CA10: variants seen among roughly 807,000 people sequenced by gnomAD.
CA10 encodes the protein carbonic anhydrase-related protein 10.
Under a neutral mutation model 44.2 loss-of-function variants are expected in CA10, and 14 were observed. The observed-to-expected ratio is 0.32, with a 90% CI of 0.21 to 0.50. CA10 has a LOEUF of 0.50. Ranked by LOEUF, CA10 falls within the 20% of genes least tolerant of loss-of-function variation. CA10 has a pLI of 0.99. For synonymous variants in CA10, 159 were observed against 141.6 expected (o/e 1.12, Z -0.87); for missense variants, 350 against 409.7 (o/e 0.85, Z 1.26).
chr17:51,659,512 C>G (rs1226777728), intron 4 of CA10, among the ~76,000 whole-genome samples: 1 of 152,146 alleles, frequency 6.6e-6, no homozygotes, highest in African/African-American at 2.4e-5. Context: ...CCTGACTAAT[C>G]AAAATTCAAA....
intron 1 of CA10, among the ~76,000 whole-genome samples, chr17:52,152,020 T>C (rs1989712283): frequency 6.6e-6 from 1 of 152,108 alleles, no homozygotes; most frequent in Non-Finnish European, 1.5e-5. Flanking sequence ...ATAATTACCT[T>C]GTAGAAACAA....
chr17:52,014,975 CT>C (rs1377155135), intron 2 of CA10, among the ~76,000 whole-genome samples: 5 of 151,934 alleles, frequency 3.3e-5, no homozygotes, highest in Admixed American at 1.3e-4. Flanking sequence ...AATAAATAAA[CT>C]ATACCTACAT....
At chr17:51,986,658 G>C (rs1984846740) in intron 2 of CA10, among the ~76,000 whole-genome samples, 1 of 151,608 alleles carries the variant, frequency 6.6e-6, no homozygotes, top group Non-Finnish European at 1.5e-5. Flanking sequence ...CAACAAATTA[G>C]CAAGAAAAAA....
rs368838263 is a variant in CA10, at chr17:51,770,011, A to T, written c.280-22193T>A. Among the ~76,000 whole-genome samples the T allele has an allele frequency of 6.6e-5, 10 of 152,224 alleles. No homozygotes were observed. The South Asian group carries it at 1.9e-3, about 28-fold the overall frequency. ...CCAGTTGCTGGAGGATCTGGTGTAG[A>T]AAGGCTAGACAGGAAGGAGATCTAG... On this transcript the variant is annotated intron_variant, in intron 3 of 8. Coordinates refer to ENST00000451037, the MANE Select transcript of CA10 (RefSeq NM_020178.5).
chr17:51,752,474 C>A (rs763279900), intron 3 of CA10, among the ~76,000 whole-genome samples: 1 of 151,874 alleles, frequency 6.6e-6, no homozygotes, highest in Non-Finnish European at 1.5e-5. Flanking sequence ...GGTGTGATGT[C>A]CATTTTACCA....
chr17:52,128,424 C>T (rs1476245718), intron 1 of CA10, among the ~76,000 whole-genome samples: 2 of 152,170 alleles, frequency 1.3e-5, no homozygotes, highest in Non-Finnish European at 2.9e-5. Flanking sequence ...TTCTCCCTTA[C>T]AATCCAAGAT....
chr17:51,802,223 G>A (rs755799260), intron 3 of CA10, among the ~76,000 whole-genome samples: 6 of 152,148 alleles, frequency 3.9e-5, no homozygotes, highest in Non-Finnish European at 8.8e-5. Flanking sequence ...TTTCCTCTCA[G>A]GGAGACAGTA....
At chr17:51,684,101 C>T (rs1334100316) in intron 4 of CA10, among the ~76,000 whole-genome samples, 2 of 152,164 alleles carry the variant, frequency 1.3e-5, no homozygotes, top group Admixed American at 1.3e-4. Context: ...TAAGTGAGCA[C>T]AACATAATCA....
chr17:51,733,809 CT>C (rs1916802175), intron 4 of CA10, among the ~76,000 whole-genome samples: 1 of 152,162 alleles, frequency 6.6e-6, no homozygotes, highest in Non-Finnish European at 1.5e-5. Flanking sequence ...GTAGATGATG[CT>C]GATAAATTCC....
chr17:52,104,204 TTC>T (rs1988607261), intron 1 of CA10, among the ~76,000 whole-genome samples: 1 of 146,756 alleles, frequency 6.8e-6, no homozygotes, highest in African/African-American at 2.5e-5. Context: ...TTTTTTTTTC[TTC>T]TCTGAGACAG....
At chr17:52,035,242 T>C (rs959221290) in intron 2 of CA10, among the ~76,000 whole-genome samples, 2 of 152,156 alleles carry the variant, frequency 1.3e-5, no homozygotes, top group African/African-American at 4.8e-5. Flanking sequence ...GAGGAGCAGC[T>C]GGATGTCAGA....
At chr17:51,749,328 G>A (rs1436018038) in intron 3 of CA10, among the ~76,000 whole-genome samples, 1 of 152,246 alleles carries the variant, frequency 6.6e-6, no homozygotes, top group Non-Finnish European at 1.5e-5. Flanking sequence ...CAACATGCTA[G>A]TCCTGAGAGT....
intron 1 of CA10, among the ~76,000 whole-genome samples, chr17:52,099,683 C>G (rs1401935312): frequency 6.6e-6 from 1 of 152,182 alleles, no homozygotes; most frequent in Non-Finnish European, 1.5e-5. Flanking sequence ...AGCAAAAGAC[C>G]TGGCATATTC....
intron 4 of CA10, among the ~76,000 whole-genome samples, chr17:51,717,843 A>ATG (rs1916210786): frequency 1.3e-5 from 1 of 78,596 alleles, no homozygotes; most frequent in Non-Finnish European, 2.4e-5. Context: ...ATATATATAT[A>ATG]TATATATATA....
intron 2 of CA10, among the ~76,000 whole-genome samples, chr17:52,051,111 G>GGAAGAA (rs1555561930): frequency 6.8e-6 from 1 of 146,998 alleles, no homozygotes; most frequent in Non-Finnish European, 1.5e-5. Context: ...AAGGAAGGAA[G>GGAAGAA]AAGAAAAGAA....
chr17:51,908,066 C>A (rs867267196), intron 3 of CA10, among the ~76,000 whole-genome samples: 3 of 152,242 alleles, frequency 2.0e-5, no homozygotes, highest in Middle Eastern at 6.8e-3. Flanking sequence ...GGGATCAGAC[C>A]CAGTCCTGTG....
intron 2 of CA10, among the ~76,000 whole-genome samples, chr17:51,999,854 C>T (rs1385004694): frequency 2.6e-5 from 4 of 152,000 alleles, no homozygotes; most frequent in African/African-American, 7.2e-5. Context: ...ACTGTTTATC[C>T]AGCACCCACA....
intron 3 of CA10, among the ~76,000 whole-genome samples, chr17:51,916,440 T>C (rs758798501): frequency 6.6e-5 from 10 of 152,158 alleles, no homozygotes; most frequent in Non-Finnish European, 1.2e-4. Flanking sequence ...ATGAGACGGA[T>C]CTGGTGGGAG....
chr17:51,973,995 T>C lies in CA10; in HGVS notation c.137-42863A>G, dbSNP rs182880217. On this transcript the variant is annotated intron_variant, in intron 2 of 8. Transcript: ENST00000451037. ...TCTCTTCAAAAAGATAAAGTAAGCA[T>C]ATACTTATTTCCTTGATGAGATTAT... Among the ~76,000 whole-genome samples the C allele has an allele frequency of 6.6e-5, 10 of 152,278 alleles. No homozygotes were observed. The East Asian group carries it at 1.9e-3, about 29-fold the overall frequency.
Sources: gnomAD v4.1 joint callset for allele counts (sites outside exome capture counted in the v4.1 genomes callset) on GRCh38, gnomAD v4.1.1 for gene constraint, MANE v1.5 for transcripts, NCBI Gene and HGNC (gene_info 2026-07-23, HGNC 2026-07-21) for gene names.